Variants in SPTLC2 observed in about 807,000 individuals in gnomAD.
SPTLC2 encodes the protein serine palmitoyltransferase 2.
Under a neutral mutation model 62.0 loss-of-function variants are expected in SPTLC2, and 21 were observed. The ratio of observed to expected loss-of-function variants is 0.34; its 90% CI spans 0.24 to 0.49. The LOEUF (loss-of-function observed/expected upper bound fraction) is 0.49, where lower values mean the gene tolerates loss of function less well. Among genes scored for constraint, SPTLC2 ranks in the 20% least tolerant of loss-of-function variants. The pLI, the probability that SPTLC2 is intolerant of heterozygous loss-of-function variation, is 0.99. For synonymous variants in SPTLC2, 261 were observed against 261.8 expected (o/e 1.00, Z 0.03); for missense variants, 511 against 713.0 (o/e 0.72, Z 3.23).
At chr14:77,552,027 G>A (rs2140017553) in intron 9 of SPTLC2, 69 bp downstream of exon 9, 4 of 1,592,634 alleles carry the variant, frequency 2.5e-6, no homozygotes, top group Non-Finnish European at 2.6e-6. Context: ...TAGGAAAAAA[G>A]CTCAAGAAAA....
At position 77,557,804 on chromosome 14, in the gene SPTLC2, T is replaced by C. The variant is rs149798670; in HGVS notation, c.851-658A>G. ...CAGTTGTCCATAAACAACCAAGTTC[T>C]TGTGGCTCTGTTGGTTCTTATGGTG... On this transcript the variant is annotated intron_variant, in intron 6 of 11. Coordinates refer to ENST00000216484, the MANE Select transcript of SPTLC2 (RefSeq NM_004863.4). Among the ~76,000 whole-genome samples the C allele has an allele frequency of 6.2e-3, 944 of 152,348 alleles. 11 individuals are homozygous for C. The highest frequency in any genetic ancestry group is 0.022 in the African/African-American group (910 of 41,586).
intron 4 of SPTLC2, among the ~76,000 whole-genome samples, chr14:77,572,755 C>T (rs1322362686): frequency 6.6e-6 from 1 of 152,220 alleles, no homozygotes; most frequent in Non-Finnish European, 1.5e-5. Context: ...CTTCACCTTG[C>T]ACTTTTATGT....
At chr14:77,562,835 G>A (rs1157059342) in intron 5 of SPTLC2, among the ~76,000 whole-genome samples, 2 of 152,140 alleles carry the variant, frequency 1.3e-5, no homozygotes, top group South Asian at 2.1e-4. Context: ...ATTCCATGTA[G>A]TTTTAGTATC....
intron 1 of SPTLC2, among the ~76,000 whole-genome samples, chr14:77,614,446 C>T (rs979048631): frequency 2.6e-5 from 4 of 152,046 alleles, no homozygotes; most frequent in Non-Finnish European, 5.9e-5. Flanking sequence ...AGGCGGATCA[C>T]GAGGTCAGGA....
At chr14:77,537,286 TA>T (rs74264007) in intron 9 of SPTLC2, among the ~76,000 whole-genome samples, 103 of 146,882 alleles carry the variant, frequency 7.0e-4, no homozygotes, top group South Asian at 3.4e-3. Flanking sequence ...GGGCAGAAGT[TA>T]AAAAAAAAAA....
At chr14:77,560,442 C>CACAAAAA (rs113830819) in intron 6 of SPTLC2, among the ~76,000 whole-genome samples, 10 of 151,584 alleles carry the variant, frequency 6.6e-5, no homozygotes, top group African/African-American at 1.2e-4. Flanking sequence ...AAAAAGAAAA[C>CACAAAAA]ACAAAAAACA....
intron 4 of SPTLC2, among the ~76,000 whole-genome samples, chr14:77,574,036 G>A (rs2079699685): frequency 6.6e-6 from 1 of 152,174 alleles, no homozygotes; most frequent in South Asian, 2.1e-4. Context: ...AAGCTAGGAA[G>A]GTTTCTCCAG....
intron 8 of SPTLC2, among the ~76,000 whole-genome samples, chr14:77,553,947 T>C (rs2886131): frequency 0.39 from 58,433 of 151,516 alleles, 13,264 homozygotes; most frequent in East Asian, 0.87. Context: ...CCCCCATAGT[T>C]GGGACTACAG....
At chr14:77,536,069 T>C (rs1294307401) in intron 9 of SPTLC2, 5 of 406,414 alleles carry the variant, frequency 1.2e-5, no homozygotes, top group African/African-American at 8.4e-5. Context: ...GGCTAAAAAC[T>C]GTGGAGACAC....
chr14:77,555,586 G>A (rs751372411), intron 7 of SPTLC2, 67 bp from the exon 8 acceptor site: 79 of 1,455,978 alleles, frequency 5.4e-5, no homozygotes, highest in Non-Finnish European at 7.0e-5. Context: ...AAAATTGGGA[G>A]TTTGGCACTT....
At chr14:77,601,118 T>G (rs1256210568) in intron 1 of SPTLC2, among the ~76,000 whole-genome samples, 1 of 152,184 alleles carries the variant, frequency 6.6e-6, no homozygotes, top group East Asian at 1.9e-4. Flanking sequence ...TGATTTTTCT[T>G]TTCTTGTTTT....
intron 8 of SPTLC2, among the ~76,000 whole-genome samples, chr14:77,554,201 A>G (rs1401828862): frequency 1.3e-5 from 2 of 152,220 alleles, no homozygotes; most frequent in Admixed American, 6.5e-5. Flanking sequence ...CCATATACAA[A>G]TACCTGACAT....
chr14:77,559,059 C>T (rs1407031725), intron 6 of SPTLC2, among the ~76,000 whole-genome samples: 6 of 152,176 alleles, frequency 3.9e-5, no homozygotes, highest in Non-Finnish European at 8.8e-5. Context: ...GTGGCTCACG[C>T]CTGTAATCTT....
intron 9 of SPTLC2, among the ~76,000 whole-genome samples, chr14:77,536,799 A>G (rs2079473385): frequency 6.6e-6 from 1 of 152,206 alleles, no homozygotes; most frequent in Non-Finnish European, 1.5e-5. Flanking sequence ...TACTACTAGT[A>G]AAAACTCCTA....
chr14:77,593,998 A>G (rs2079832887), intron 2 of SPTLC2, among the ~76,000 whole-genome samples: 1 of 152,196 alleles, frequency 6.6e-6, no homozygotes, highest in Non-Finnish European at 1.5e-5. Context: ...AATGTTATCT[A>G]CTGGGAATAT....
intron 1 of SPTLC2, among the ~76,000 whole-genome samples, chr14:77,613,678 G>A (rs2079949893): frequency 1.3e-5 from 2 of 152,144 alleles, no homozygotes; most frequent in African/African-American, 4.8e-5. Flanking sequence ...TGGGAGATGT[G>A]AGGAAAAGAA....
In SPTLC2 at chr14:77,584,891, G is replaced by C. The variant is rs151037052; in HGVS notation, c.328-5782C>G. 3.2e-4 allele frequency among the ~76,000 whole-genome samples: 49 copies of C among 152,366 alleles called. No homozygotes were observed. The East Asian group carries it at 9.3e-3, about 29-fold the overall frequency. ...TGCGGATGTGATGTAGGGTCTGCCA[G>C]TGAGAAGCACATACAACAGCTGGAT... On this transcript the variant is annotated intron_variant, in intron 2 of 11. Transcript: ENST00000216484.
intron 6 of SPTLC2, 21 bp from the exon 7 acceptor site, chr14:77,557,167 C>G (rs749569692): frequency 3.4e-5 from 54 of 1,584,334 alleles, no homozygotes; most frequent in Non-Finnish European, 4.2e-5. Flanking sequence ...CAAAAAAGAA[C>G]AGTTATACCG....
chr14:77,552,705 C>T (rs905237207), intron 8 of SPTLC2, among the ~76,000 whole-genome samples: 2 of 150,562 alleles, frequency 1.3e-5, no homozygotes, highest in Non-Finnish European at 2.9e-5. Flanking sequence ...ACTTGGGAGG[C>T]TGAGGCAGGA....
Sources: allele counts gnomAD v4.1 joint callset (sites outside exome capture counted in the v4.1 genomes callset), GRCh38; gene constraint gnomAD v4.1.1; transcripts MANE v1.5; gene names NCBI Gene and HGNC (gene_info 2026-07-23, HGNC 2026-07-21).